The following PLCL1 variants were observed in gnomAD, a reference collection of about 807,000 sequenced individuals.
The protein encoded by PLCL1 is inactive phospholipase C-like protein 1.
PLCL1 carries 41 observed loss-of-function variants against 84.4 expected under a neutral mutation model. The observed-to-expected ratio is 0.49, with a 90% CI of 0.38 to 0.63. The LOEUF is 0.63. Among genes scored for constraint, PLCL1 ranks in the 30% least tolerant of loss-of-function variants. PLCL1 has a pLI of 0.00. For missense variants in PLCL1, 1,206 were observed against 1,367.8 expected (o/e 0.88, Z 1.87); for synonymous variants, 490 against 488.3 (o/e 1.00, Z -0.05).
intron 1 of PLCL1, among the ~76,000 whole-genome samples, chr2:197,906,231 T>C (rs1559041393): frequency 6.6e-6 from 1 of 152,246 alleles, no homozygotes; most frequent in East Asian, 1.9e-4. Flanking sequence ...CCATCTTGAG[T>C]TAATTTTTGT....
At chr2:198,117,653 G>A (rs1364085074) in intron 5 of PLCL1, among the ~76,000 whole-genome samples, 1 of 151,804 alleles carries the variant, frequency 6.6e-6, no homozygotes, top group African/African-American at 2.4e-5. Context: ...CTTGTTTATC[G>A]TGGGTTTGCT....
chr2:198,026,160 C>T (rs1324317420), intron 1 of PLCL1, among the ~76,000 whole-genome samples: 1 of 152,114 alleles, frequency 6.6e-6, no homozygotes, highest in African/African-American at 2.4e-5. Context: ...CCATAGTTTT[C>T]TCTTGGGAAC....
chr2:198,122,596 G>A (rs1175673374), intron 5 of PLCL1, among the ~76,000 whole-genome samples: 1 of 151,954 alleles, frequency 6.6e-6, no homozygotes, highest in Non-Finnish European at 1.5e-5. Context: ...CTCTCATCTT[G>A]AGATCATCAT....
At chr2:197,835,023 A>C (rs1574904310) in intron 1 of PLCL1, among the ~76,000 whole-genome samples, 1 of 152,254 alleles carries the variant, frequency 6.6e-6, no homozygotes, top group African/African-American at 2.4e-5. Flanking sequence ...GCTGGAAACC[A>C]TCATTCTCAG....
At chr2:197,995,119 T>C (rs1001285088) in intron 1 of PLCL1, among the ~76,000 whole-genome samples, 1 of 152,212 alleles carries the variant, frequency 6.6e-6, no homozygotes, top group African/African-American at 2.4e-5. Context: ...CTGGTGCAGA[T>C]GTGTTATCAT....
chr2:197,814,523 A>C (rs1369458210), intron 1 of PLCL1, among the ~76,000 whole-genome samples: 1 of 152,162 alleles, frequency 6.6e-6, no homozygotes, highest in Non-Finnish European at 1.5e-5. Context: ...CAATATTGAA[A>C]TTAGTTCAGT....
intron 1 of PLCL1, among the ~76,000 whole-genome samples, chr2:197,926,178 G>A (rs1688825941): frequency 6.6e-6 from 1 of 152,142 alleles, no homozygotes; most frequent in Admixed American, 6.6e-5. Context: ...GAGTATATGA[G>A]TAGATTCAAT....
intron 1 of PLCL1, among the ~76,000 whole-genome samples, chr2:197,944,097 C>A (rs779383765): frequency 2.8e-4 from 42 of 152,166 alleles, no homozygotes; most frequent in Non-Finnish European, 5.0e-4. Context: ...AAAATGAATT[C>A]TTTAGAGTTT....
intron 1 of PLCL1, among the ~76,000 whole-genome samples, chr2:197,871,783 A>G (rs1687656056): frequency 6.6e-6 from 1 of 152,096 alleles, no homozygotes. Context: ...GAGTGCTTTG[A>G]GTAAATCTCT....
chr2:198,056,153 T>C (rs1309962126), intron 1 of PLCL1, among the ~76,000 whole-genome samples: 1 of 152,204 alleles, frequency 6.6e-6, no homozygotes, highest in Non-Finnish European at 1.5e-5. Flanking sequence ...AACAACCATT[T>C]CAATAACATT....
chr2:197,869,814 C>G (rs1428302999), intron 1 of PLCL1, among the ~76,000 whole-genome samples: 1 of 152,256 alleles, frequency 6.6e-6, no homozygotes, highest in African/African-American at 2.4e-5. Flanking sequence ...GCAGCAACAG[C>G]TCATAGTAGA....
Position 198,149,797 on chromosome 2 carries a change from G to T in PLCL1, c.*2835G>T, listed in dbSNP as rs1462329275. On this transcript the variant is annotated 3_prime_UTR_variant, in exon 6 of 6. Transcript: ENST00000428675. ...TATTATATAAACTGTTTGTAGCAGGGTGTTTAAAATTTTAACAATATGTTA... is the reference window on the plus strand; with the variant it reads ...TATTATATAAACTGTTTGTAGCAGGTTGTTTAAAATTTTAACAATATGTTA... The T allele has an allele frequency of 1.3e-5, 2 of 151,984 alleles. No individual in the cohort carries two copies. The highest frequency in any genetic ancestry group is 6.6e-5 in the Admixed American group (1 of 15,252). 9.4% of individuals were successfully genotyped at this position (151,984 alleles called of 1,614,324 possible).
At chr2:197,813,785 A>G (rs1365461413) in intron 1 of PLCL1, among the ~76,000 whole-genome samples, 1 of 152,156 alleles carries the variant, frequency 6.6e-6, no homozygotes, top group Non-Finnish European at 1.5e-5. Flanking sequence ...TCACATAGCT[A>G]ATAAACGCAG....
At chr2:197,968,888 T>C (rs1689801018) in intron 1 of PLCL1, among the ~76,000 whole-genome samples, 1 of 152,198 alleles carries the variant, frequency 6.6e-6, no homozygotes, top group Non-Finnish European at 1.5e-5. Flanking sequence ...ATGGCTGTTT[T>C]ATAAGTTAAG....
intron 3 of PLCL1, among the ~76,000 whole-genome samples, chr2:198,096,670 T>A (rs111640201): frequency 0.023 from 3,470 of 152,246 alleles, 51 homozygotes; most frequent in African/African-American, 0.044. Context: ...CAATTTTTTT[T>A]AAATTTGTTG....
intron 5 of PLCL1, among the ~76,000 whole-genome samples, chr2:198,117,598 CA>C (rs1325120065): frequency 6.6e-5 from 10 of 151,774 alleles, no homozygotes; most frequent in African/African-American, 2.2e-4. Context: ...CCTTACCTTC[CA>C]GATGGCTCTC....
At chr2:197,857,271 C>T (rs998610092) in intron 1 of PLCL1, among the ~76,000 whole-genome samples, 3 of 151,972 alleles carry the variant, frequency 2.0e-5, no homozygotes, top group Non-Finnish European at 2.9e-5. Flanking sequence ...CATCTCTGAA[C>T]CCTTCCTGCA....
At chr2:197,910,982 C>T (rs1465977714) in intron 1 of PLCL1, among the ~76,000 whole-genome samples, 1 of 152,004 alleles carries the variant, frequency 6.6e-6, no homozygotes, top group East Asian at 1.9e-4. Flanking sequence ...TAAACTAAGC[C>T]TGAACACATT....
At chr2:198,135,030 A>C (rs999081799) in intron 5 of PLCL1, among the ~76,000 whole-genome samples, 1 of 152,340 alleles carries the variant, frequency 6.6e-6, no homozygotes, top group Admixed American at 6.5e-5. Flanking sequence ...TATTTAAAAA[A>C]TATTTTGCTA....
Sources: gnomAD v4.1 joint callset for allele counts (sites outside exome capture counted in the v4.1 genomes callset) on GRCh38, gnomAD v4.1.1 for gene constraint, MANE v1.5 for transcripts, NCBI Gene and HGNC (gene_info 2026-07-23, HGNC 2026-07-21) for gene names.